The following COL4A1 variants were observed in gnomAD, a reference collection of about 807,000 sequenced individuals.
COL4A1 encodes collagen alpha-1(IV) chain.
In COL4A1, 40 loss-of-function variants were observed where a neutral mutation model predicts 216.6. The ratio of observed to expected loss-of-function variants is 0.18; its 90% CI spans 0.14 to 0.24. The LOEUF (loss-of-function observed/expected upper bound fraction) is 0.24. Ranked by LOEUF, COL4A1 falls within the 10% of genes least tolerant of loss-of-function variation. The probability of loss-of-function intolerance (pLI) is 1.00; values close to 1 mark genes in which losing one functional copy is unlikely to be tolerated. For synonymous variants in COL4A1, 839 were observed against 810.7 expected (o/e 1.03, Z -0.59); for missense variants, 1,628 against 2,196.8 (o/e 0.74, Z 5.18).
chr13:110,242,049 TA>T (rs1202427586), intron 2 of COL4A1, among the ~76,000 whole-genome samples: 1 of 152,080 alleles, frequency 6.6e-6, no homozygotes. Flanking sequence ...GTTTTCTGGA[TA>T]AAAAAACAGC....
intron 15 of COL4A1, among the ~76,000 whole-genome samples, chr13:110,206,301 C>G (rs1879512018): frequency 6.6e-6 from 1 of 152,244 alleles, no homozygotes; most frequent in Admixed American, 6.5e-5. Flanking sequence ...AGCAACTCAG[C>G]CTCTCAGGCT....
intron 26 of COL4A1, among the ~76,000 whole-genome samples, chr13:110,184,320 T>C (rs925586204): frequency 6.6e-6 from 1 of 152,154 alleles, no homozygotes; most frequent in African/African-American, 2.4e-5. Context: ...GAAAAGCTAA[T>C]TCCCTTCGAC....
chr13:110,246,890 G>A (rs1369274748), intron 1 of COL4A1, among the ~76,000 whole-genome samples: 2 of 152,150 alleles, frequency 1.3e-5, no homozygotes, highest in Non-Finnish European at 2.9e-5. Context: ...AACCCGAGTG[G>A]TCATGAGGAT....
chr13:110,291,646 C>T (rs1214299274), intron 1 of COL4A1, among the ~76,000 whole-genome samples: 1 of 152,202 alleles, frequency 6.6e-6, no homozygotes, highest in Non-Finnish European at 1.5e-5. Flanking sequence ...CTGACTGCCC[C>T]CAAGTACATC....
chr13:110,203,755 A>G, intron 17 of COL4A1, 148 bp from the exon 18 acceptor site: 2 of 822,598 alleles, frequency 2.4e-6, no homozygotes, highest in Non-Finnish European at 4.0e-6. Flanking sequence ...TCATTCTGTG[A>G]CGATTACAAC....
At chr13:110,173,674 G>A (rs894905643) in intron 40 of COL4A1, among the ~76,000 whole-genome samples, 1 of 151,968 alleles carries the variant, frequency 6.6e-6, no homozygotes, top group Non-Finnish European at 1.5e-5. Context: ...GTTATTTCAG[G>A]GGAAGATGCC....
At chr13:110,160,914 G>GC in intron 49 of COL4A1, 1 of 446,048 alleles carries the variant, frequency 2.2e-6, no homozygotes, top group African/African-American at 2.0e-5. Context: ...TCGTCATCTT[G>GC]CCCAGGCTGG....
chr13:110,231,359 G>A (rs1456692458), intron 2 of COL4A1, among the ~76,000 whole-genome samples: 4 of 152,296 alleles, frequency 2.6e-5, no homozygotes, highest in South Asian at 2.1e-4. Context: ...TTTCCAAATC[G>A]GGAAAAACCT....
In COL4A1 at chr13:110,187,309, C is replaced by A. The variant is rs1878446940; in HGVS notation, c.1557G>T (p.Gly519=). 6.2e-7 allele frequency: 1 copy of A among 1,612,432 alleles called. No homozygotes were observed. Among genetic ancestry groups the A allele is most frequent in the Admixed American group, 1.7e-5 (1 of 60,000 alleles). The change falls in exon 25 of 52, where the codon GGG becomes GGT. Residue 519 remains glycine, a synonymous_variant. Coordinates refer to ENST00000375820, the MANE Select transcript of COL4A1 (RefSeq NM_001845.6). ...AGVPGPQGTP[G]LIGQPGAKGE... ...CCTTGGCTCCTGGCTGGCCTATCAG[C>A]CCTGGTGTACCTTGAGGGCCCTGTA...
intron 19 of COL4A1, 56 bp from the exon 20 acceptor site, chr13:110,200,945 A>G (rs1879163960): frequency 6.4e-7 from 1 of 1,570,882 alleles, no homozygotes; most frequent in Non-Finnish European, 8.8e-7. Context: ...GTTTGTATAC[A>G]CTTCTTATTT....
chr13:110,216,467 T>C (rs1426849360), intron 2 of COL4A1, among the ~76,000 whole-genome samples: 1 of 152,106 alleles, frequency 6.6e-6, no homozygotes, highest in African/African-American at 2.4e-5. Context: ...TAACCCAACA[T>C]CAGACAGGAA....
chr13:110,275,544 T>C (rs767028180), intron 1 of COL4A1, among the ~76,000 whole-genome samples: 2 of 152,220 alleles, frequency 1.3e-5, no homozygotes, highest in Non-Finnish European at 2.9e-5. Context: ...ATCATGCTCC[T>C]TGCTATTTAC....
chr13:110,197,220 C>A, intron 21 of COL4A1, among the ~76,000 whole-genome samples: 1 of 127,646 alleles, frequency 7.8e-6, no homozygotes, highest in African/African-American at 2.9e-5. Flanking sequence ...CACCCCCCAC[C>A]CCAGAACCCT....
intron 51 of COL4A1, 87 bp from the exon 52 acceptor site, chr13:110,150,531 A>T: frequency 7.4e-7 from 1 of 1,348,008 alleles, no homozygotes; most frequent in Non-Finnish European, 1.0e-6. Context: ...GGAAATCTCT[A>T]AGGGATCAGC....
intron 24 of COL4A1, among the ~76,000 whole-genome samples, chr13:110,189,150 G>A (rs1387794677): frequency 6.6e-6 from 1 of 152,152 alleles, no homozygotes; most frequent in East Asian, 1.9e-4. Context: ...CGCAACCTCC[G>A]CCTCTCAGGT....
intron 43 of COL4A1, among the ~76,000 whole-genome samples, 179 bp from the exon 44 acceptor site, chr13:110,167,409 A>G (rs76319788): frequency 1.3e-3 from 202 of 152,336 alleles, no homozygotes; most frequent in Middle Eastern, 6.8e-3. Context: ...ATGTGCCTCA[A>G]TCGGGAAGCT....
chr13:110,155,545 T>C (rs1876745070), intron 49 of COL4A1, 148 bp from the exon 50 acceptor site: 1 of 707,420 alleles, frequency 1.4e-6, no homozygotes, highest in Admixed American at 2.0e-5. Flanking sequence ...GCCCATTGCT[T>C]AGACTCTGAG....
At chr13:110,205,245 G>T in intron 17 of COL4A1, 108 bp downstream of exon 17, 1 of 1,330,738 alleles carries the variant, frequency 7.5e-7, no homozygotes, top group Non-Finnish European at 1.1e-6. Flanking sequence ...AAGCATAAAT[G>T]ATTTTTTTCC....
chr13:110,296,460 T>C (rs745786568), intron 1 of COL4A1, among the ~76,000 whole-genome samples: 21 of 152,214 alleles, frequency 1.4e-4, no homozygotes, highest in Non-Finnish European at 2.8e-4. Flanking sequence ...CGAATATCGA[T>C]AGTATAATCA....
Sources: allele counts gnomAD v4.1 joint callset (sites outside exome capture counted in the v4.1 genomes callset), GRCh38; gene constraint gnomAD v4.1.1; transcripts MANE v1.5; gene names NCBI Gene and HGNC (gene_info 2026-07-23, HGNC 2026-07-21).